Variants in MMRN1 observed in about 807,000 individuals in gnomAD.
The protein encoded by MMRN1 is multimerin 1, also known as multimerin-1.
In MMRN1, 94 loss-of-function variants were observed where a neutral mutation model predicts 100.7. That is an observed-to-expected ratio of 0.93 (90% CI 0.79 to 1.11). MMRN1 has a LOEUF of 1.11. Ranked by LOEUF, MMRN1 falls within the 50% of genes least tolerant of loss-of-function variation. The pLI, the probability that MMRN1 is intolerant of heterozygous loss-of-function variation, is 0.00. For missense variants in MMRN1, 1,606 were observed against 1,439.1 expected (o/e 1.12, Z -1.88); for synonymous variants, 575 against 505.0 (o/e 1.14, Z -1.86).
chr4:89,951,484 G>A (rs571810464), intron 6 of MMRN1, 121 bp from the exon 7 acceptor site: 15 of 1,015,288 alleles, frequency 1.5e-5, no homozygotes, highest in South Asian at 1.5e-4. Context: ...CTGGGCCGTG[G>A]AGCCCATTTT....
At chr4:89,891,921 A>G (rs938453845), upstream of MMRN1, among the ~76,000 whole-genome samples, 1 of 152,064 alleles carries the variant, frequency 6.6e-6, no homozygotes. Context: ...TAAGTCTTGC[A>G]GCTATAAAAA....
intron 3 of MMRN1, among the ~76,000 whole-genome samples, chr4:89,919,804 T>A (rs1722032350): frequency 6.6e-6 from 1 of 152,124 alleles, no homozygotes; most frequent in South Asian, 2.1e-4. Context: ...GTGTCTTTGA[T>A]AATTTACTAT....
chr4:89,926,748 A>G (rs1722276994), intron 4 of MMRN1, among the ~76,000 whole-genome samples: 1 of 152,060 alleles, frequency 6.6e-6, no homozygotes, highest in South Asian at 2.1e-4. Flanking sequence ...TTCTTATAGT[A>G]GTTTCATGTT....
chr4:89,915,758 T>TA (rs1299947675), intron 3 of MMRN1, among the ~76,000 whole-genome samples: 1 of 151,582 alleles, frequency 6.6e-6, no homozygotes, highest in Non-Finnish European at 1.5e-5. Context: ...GAATCCAACT[T>TA]AAAAAATATA....
chr4:89,883,398 T>C (rs1268961356), intron 1 of MMRN1, among the ~76,000 whole-genome samples: 1 of 152,048 alleles, frequency 6.6e-6, no homozygotes, highest in African/African-American at 2.4e-5. Flanking sequence ...ATCCAACATT[T>C]GGTGCTATGA....
Position 89,895,444 on chromosome 4 carries a change from C to A in MMRN1, c.473C>A (p.Thr158Lys). Residue 158 changes from threonine to lysine, a missense_variant, in exon 1 of 8, where the codon ACA (threonine) becomes AAA (lysine). Coordinates refer to ENST00000264790, the MANE Select transcript of MMRN1 (RefSeq NM_007351.3). ...AATGAACAAGCAACTTCTCTAAACA[C>A]AGTTGGAGGCACTGGAGGCATTGGA... ...KSNEQATSLN[T>K]VGGTGGIGGV... 1 of 1,613,844 alleles carries A rather than the reference C, an allele frequency of 6.2e-7. No homozygotes were observed. The highest frequency in any genetic ancestry group is 2.2e-5 in the East Asian group (1 of 44,768).
In MMRN1 at chr4:89,911,993, A is replaced by C. The variant is rs772332445; in HGVS notation, c.793A>C (p.Thr265Pro). ...CTATAGGATGCAACATAAAATTGTC[A>C]CCTCATTGGATTGGAGGTGCTGTCC... is the stretch of plus-strand genomic sequence containing the variant. ...PVYRMQHKIV[T>P]SLDWRCCPGY... Residue 265 changes from threonine to proline, a missense_variant, in exon 3 of 8, where the codon ACC (threonine) becomes CCC (proline). Thr to Pro is a conservative substitution (Grantham distance 38, BLOSUM62 -1). Coordinates refer to ENST00000264790, the MANE Select transcript of MMRN1 (RefSeq NM_007351.3). 7 of 1,604,240 alleles carry C rather than the reference A, an allele frequency of 4.4e-6. No individual in the cohort carries two copies. Among genetic ancestry groups the C allele is most frequent in the Non-Finnish European group, 6.0e-6 (7 of 1,174,328 alleles).
rs1210890892 is a variant in MMRN1 at position 89,902,573 on chromosome 4, A to G, written c.624-6703A>G. Among the ~76,000 whole-genome samples, 4 of 152,012 alleles carry G rather than the reference A, an allele frequency of 2.6e-5. No homozygotes were observed. The East Asian group carries it at 7.7e-4, about 29-fold the overall frequency. On this transcript the variant is annotated intron_variant, in intron 1 of 7. Coordinates refer to ENST00000264790, the MANE Select transcript of MMRN1 (RefSeq NM_007351.3). ...TCGGCTCGTTCTCATAAAACTTTAC[A>G]CTGACAATATTGTGTATAGACAGTA...
chr4:89,903,827 C>A (rs1721467491), intron 1 of MMRN1, among the ~76,000 whole-genome samples: 1 of 143,910 alleles, frequency 6.9e-6, no homozygotes, highest in African/African-American at 2.6e-5. Flanking sequence ...GGAAATTTTT[C>A]TTTATTTTCT....
chr4:89,907,667 T>C (rs985382873), intron 1 of MMRN1, among the ~76,000 whole-genome samples: 10 of 151,458 alleles, frequency 6.6e-5, no homozygotes, highest in Non-Finnish European at 1.0e-4. Context: ...ATTCCTTATC[T>C]TCGAGTTTAT....
At chr4:89,886,177 C>G (rs957191812) in intron 1 of MMRN1, among the ~76,000 whole-genome samples, 2 of 151,820 alleles carry the variant, frequency 1.3e-5, no homozygotes, top group Non-Finnish European at 2.9e-5. Flanking sequence ...AAGCGTGAAC[C>G]ACTGTGCCTG....
chr4:89,943,918 G>C (rs920390512), intron 6 of MMRN1, among the ~76,000 whole-genome samples: 1 of 151,640 alleles, frequency 6.6e-6, no homozygotes, highest in Admixed American at 6.6e-5. Context: ...GGAGGAGGAG[G>C]TTGCAGTGAG....
At chr4:89,883,556 C>A (rs1720868111) in intron 1 of MMRN1, among the ~76,000 whole-genome samples, 1 of 152,036 alleles carries the variant, frequency 6.6e-6, no homozygotes, top group African/African-American at 2.4e-5. Flanking sequence ...TGTGATGTGT[C>A]TGTTCAGGGC....
chr4:89,931,782 A>G (rs1241252719), intron 5 of MMRN1, among the ~76,000 whole-genome samples: 2 of 152,146 alleles, frequency 1.3e-5, no homozygotes, highest in Non-Finnish European at 2.9e-5. Context: ...ATCCCTCCCC[A>G]TGATTCAATT....
At chr4:89,898,930 C>T (rs1459440770) in intron 1 of MMRN1, among the ~76,000 whole-genome samples, 1 of 152,014 alleles carries the variant, frequency 6.6e-6, no homozygotes, top group Non-Finnish European at 1.5e-5. Context: ...AGCAAAGTCT[C>T]TGGTTTATAG....
intron 4 of MMRN1, among the ~76,000 whole-genome samples, chr4:89,925,017 T>G (rs1722204425): frequency 6.6e-6 from 1 of 152,200 alleles, no homozygotes; most frequent in African/African-American, 2.4e-5. Context: ...TTACAAACAA[T>G]CCAATTATAT....
chr4:89,950,933 G>A (rs1723146991), intron 6 of MMRN1, among the ~76,000 whole-genome samples: 1 of 151,790 alleles, frequency 6.6e-6, no homozygotes, highest in African/African-American at 2.4e-5. Flanking sequence ...TTAGTCATTA[G>A]ATTGCCATGT....
Position 89,923,239 on chromosome 4 carries a change from GAGC to G in MMRN1, c.936_938del (p.Gln313del), listed in dbSNP as rs770969212. 3.1e-6 allele frequency: 5 copies of G among 1,613,774 alleles called. No individual in the cohort carries two copies. Among genetic ancestry groups the G allele is most frequent in the Admixed American group, 1.7e-5 (1 of 59,998 alleles). ...TACAGCTGTTGGCAGAGGAGTAGCT[GAGC>G]AGCAGCAGCAGCAAGGCTGTGGTGA... On this transcript the variant is annotated inframe_deletion, in exon 4 of 8. Transcript: ENST00000264790.
At position 89,923,195 on chromosome 4, in the gene MMRN1, C is replaced by T. The variant is rs1268471794; in HGVS notation, c.878C>T (p.Thr293Ile). ...CAGGAACAGCAAAGTTTGATACACACCAACCAGGCTGAAAGTCATACAGCT... is the reference window on the plus strand; with the variant it reads ...CAGGAACAGCAAAGTTTGATACACATCAACCAGGCTGAAAGTCATACAGCT... The part of the protein sequence containing the change: ...RAQEQQSLIH[T>I]NQAESHTAVG... The change falls in exon 4 of 8, where the codon ACC (threonine) becomes ATC (isoleucine). Residue 293 changes from threonine (T) to isoleucine (I), a missense_variant. Transcript: ENST00000264790. 9 of 1,613,838 alleles carry T rather than the reference C, an allele frequency of 5.6e-6. No individual in the cohort carries two copies. Among genetic ancestry groups the T allele is most frequent in the South Asian group, 1.1e-5 (1 of 91,078 alleles).
Sources: gnomAD v4.1 joint callset for allele counts (sites outside exome capture counted in the v4.1 genomes callset) on GRCh38, gnomAD v4.1.1 for gene constraint, MANE v1.5 for transcripts, NCBI Gene and HGNC (gene_info 2026-07-23, HGNC 2026-07-21) for gene names.